Variants in TEAD1 observed in about 807,000 individuals in gnomAD.
The protein encoded by TEAD1 is TEA domain transcription factor 1.
In TEAD1, 9 loss-of-function variants were observed where a neutral mutation model predicts 54.9. The observed-to-expected ratio is 0.16, with a 90% CI of 0.10 to 0.29. The LOEUF is 0.29. Ranked by LOEUF, TEAD1 falls within the 10% of genes least tolerant of loss-of-function variation. The pLI, the probability that TEAD1 is intolerant of heterozygous loss-of-function variation, is 1.00. For missense variants in TEAD1, 387 were observed against 535.9 expected (o/e 0.72, Z 2.74); for synonymous variants, 200 against 187.8 (o/e 1.07, Z -0.53).
At chr11:12,936,842 T>C (rs1159365739) in intron 12 of TEAD1, among the ~76,000 whole-genome samples, 4 of 152,146 alleles carry the variant, frequency 2.6e-5, no homozygotes, top group Admixed American at 6.5e-5. Flanking sequence ...AAAACACAAA[T>C]GTGCTAATTT....
At chr11:12,930,862 A>G (rs1949000890) in intron 12 of TEAD1, among the ~76,000 whole-genome samples, 1 of 152,238 alleles carries the variant, frequency 6.6e-6, no homozygotes, top group African/African-American at 2.4e-5. Flanking sequence ...AAGAAGTTAC[A>G]TGCATTAAGG....
At chr11:12,837,134 A>C (rs897829577) in intron 3 of TEAD1, among the ~76,000 whole-genome samples, 3 of 152,174 alleles carry the variant, frequency 2.0e-5, no homozygotes, top group Admixed American at 1.3e-4. Flanking sequence ...TAATGTCCAA[A>C]AGTTTATGCT....
chr11:12,783,133 T>TGTGTGTGTGTGTGTGTGTGCGCGC, intron 3 of TEAD1, among the ~76,000 whole-genome samples: 1 of 145,570 alleles, frequency 6.9e-6, no homozygotes, highest in African/African-American at 2.7e-5. Flanking sequence ...TGTGTGTGTG[T>TGTGTGTGTGTGTGTGTGTGCGCGC]GCGCGCACTT....
intron 3 of TEAD1, among the ~76,000 whole-genome samples, chr11:12,832,239 C>T (rs909415740): frequency 1.3e-5 from 2 of 152,016 alleles, no homozygotes; most frequent in Non-Finnish European, 2.9e-5. Context: ...ATTGTTTATC[C>T]CTAAATTGAA....
At chr11:12,824,143 C>G (rs1946604386) in intron 3 of TEAD1, among the ~76,000 whole-genome samples, 1 of 152,186 alleles carries the variant, frequency 6.6e-6, no homozygotes, top group Non-Finnish European at 1.5e-5. Flanking sequence ...ACAGTATTTT[C>G]TGTGAAATCC....
chr11:12,901,398 T>C (rs1362269896), intron 9 of TEAD1, among the ~76,000 whole-genome samples: 5 of 152,204 alleles, frequency 3.3e-5, no homozygotes, highest in Non-Finnish European at 2.9e-5. Context: ...GCAGCCCTTA[T>C]GTAGAAGTTT....
intron 2 of TEAD1, among the ~76,000 whole-genome samples, chr11:12,736,038 T>A (rs1250011263): frequency 1.6e-4 from 24 of 152,232 alleles, no homozygotes; most frequent in Non-Finnish European, 2.9e-5. Flanking sequence ...GAGAAGTAAA[T>A]AAGCCTTCAA....
intron 9 of TEAD1, among the ~76,000 whole-genome samples, chr11:12,886,295 G>A (rs1289492067): frequency 6.6e-6 from 1 of 152,174 alleles, no homozygotes; most frequent in African/African-American, 2.4e-5. Flanking sequence ...AACTGGATCT[G>A]GCCTGCTGTT....
At chr11:12,838,325 G>A (rs1345227173) in intron 3 of TEAD1, among the ~76,000 whole-genome samples, 2 of 152,162 alleles carry the variant, frequency 1.3e-5, no homozygotes, top group East Asian at 1.9e-4. Context: ...ATGCTACATG[G>A]CCTCCAAGAA....
At chr11:12,843,969 A>G (rs1947090867) in intron 3 of TEAD1, among the ~76,000 whole-genome samples, 1 of 152,160 alleles carries the variant, frequency 6.6e-6, no homozygotes, top group African/African-American at 2.4e-5. Context: ...TTTATAAATT[A>G]CCTTGTTGCT....
intron 2 of TEAD1, among the ~76,000 whole-genome samples, chr11:12,749,337 G>C (rs1478689952): frequency 2.6e-5 from 4 of 152,150 alleles, no homozygotes; most frequent in Admixed American, 2.0e-4. Flanking sequence ...AGCTCATCTT[G>C]TTCCTCTACC....
chr11:12,908,727 A>G (rs970192960), intron 10 of TEAD1, among the ~76,000 whole-genome samples: 2 of 152,320 alleles, frequency 1.3e-5, no homozygotes, highest in South Asian at 4.2e-4. Context: ...TTGGGAATAT[A>G]TAATTTTTAA....
chr11:12,901,891 G>A (rs1247205796), intron 9 of TEAD1, 49 bp from the exon 10 acceptor site: 1 of 1,612,846 alleles, frequency 6.2e-7, no homozygotes, highest in African/African-American at 1.3e-5. Context: ...ATGAGTTCCA[G>A]GTTGATCAAA....
chr11:12,881,505 AGAAAG>A (rs1947965626), intron 7 of TEAD1, among the ~76,000 whole-genome samples: 1 of 152,226 alleles, frequency 6.6e-6, no homozygotes, highest in Non-Finnish European at 1.5e-5. Context: ...TCGGGATAAA[AGAAAG>A]GAAACCTTGC....
At chr11:12,722,759 C>A (rs1944237425) in intron 2 of TEAD1, among the ~76,000 whole-genome samples, 1 of 151,376 alleles carries the variant, frequency 6.6e-6, no homozygotes, top group Non-Finnish European at 1.5e-5. Context: ...CAACTGTTTT[C>A]ATTTTAACTT....
intron 5 of TEAD1, among the ~76,000 whole-genome samples, chr11:12,877,721 C>T (rs1463830343): frequency 6.6e-6 from 1 of 151,776 alleles, no homozygotes; most frequent in Non-Finnish European, 1.5e-5. Flanking sequence ...CCCCCCTCCC[C>T]TCCCTTTCCT....
intron 3 of TEAD1, among the ~76,000 whole-genome samples, chr11:12,850,187 G>C (rs762236107): frequency 6.6e-6 from 1 of 152,206 alleles, no homozygotes; most frequent in Non-Finnish European, 1.5e-5. Flanking sequence ...TATAATCCCA[G>C]CACTTTCGGA....
intron 3 of TEAD1, among the ~76,000 whole-genome samples, chr11:12,853,854 G>T (rs149874762): frequency 6.6e-6 from 1 of 152,328 alleles, no homozygotes; most frequent in Admixed American, 6.5e-5. Flanking sequence ...GTTATCGCCA[G>T]ACACTCACTG....
intron 3 of TEAD1, among the ~76,000 whole-genome samples, chr11:12,846,755 T>C (rs1310314339): frequency 6.6e-6 from 1 of 152,216 alleles, no homozygotes; most frequent in African/African-American, 2.4e-5. Flanking sequence ...CAGTGGTGGA[T>C]TGAAGTAGGA....
Sources: allele counts gnomAD v4.1 joint callset (sites outside exome capture counted in the v4.1 genomes callset), GRCh38; gene constraint gnomAD v4.1.1; transcripts MANE v1.5; gene names NCBI Gene and HGNC (gene_info 2026-07-23, HGNC 2026-07-21).